Variants in CUX1 observed in about 807,000 individuals in gnomAD.
CUX1 encodes protein CASP.
Under a neutral mutation model 158.8 loss-of-function variants are expected in CUX1, and 31 were observed. The ratio of observed to expected loss-of-function variants is 0.20; its 90% CI spans 0.15 to 0.26. The LOEUF (loss-of-function observed/expected upper bound fraction) is 0.26, where lower values mean the gene tolerates loss of function less well. Among genes scored for constraint, CUX1 ranks in the 10% least tolerant of loss-of-function variants. The probability of loss-of-function intolerance (pLI) is 1.00; values close to 1 mark genes in which losing one functional copy is unlikely to be tolerated. For missense variants in CUX1, 1,589 were observed against 2,014.6 expected, an observed-to-expected ratio of 0.79 and a Z score of 4.04; for synonymous variants, 879 against 862.1, an observed-to-expected ratio of 1.02 and a Z score of -0.34.
chr7:101,920,069 A>T (rs915071120), intron 2 of CUX1, among the ~76,000 whole-genome samples: 2 of 152,026 alleles, frequency 1.3e-5, no homozygotes, highest in African/African-American at 2.4e-5. Context: ...CTGGGATTAC[A>T]GGAACGTGGC....
In CUX1 at chr7:101,999,881, C is replaced by CGTGCGTGTGTGT. The variant is rs1008497343; in HGVS notation, c.142-28200_142-28189dup. On this transcript the variant is annotated intron_variant, in intron 2 of 23. Coordinates refer to ENST00000292535, the MANE Select transcript of CUX1 (RefSeq NM_181552.4). ...AGGGCCTGGTTTTATCAGTGGCATG[C>CGTGCGTGTGTGT]GTGCGTGTGTGTGTGCGTGTGTGTG... Among the ~76,000 whole-genome samples the CGTGCGTGTGTGT allele has an allele frequency of 6.6e-5, 10 of 151,974 alleles. No individual in the cohort carries two copies. The South Asian group carries it at 1.2e-3, about 19-fold the overall frequency.
chr7:102,160,346 G>T (rs1299378622), intron 9 of CUX1, among the ~76,000 whole-genome samples: 2 of 152,128 alleles, frequency 1.3e-5, no homozygotes, highest in East Asian at 3.9e-4. Context: ...GGAGAGCCTG[G>T]TTTGTTAAAC....
chr7:101,894,509 G>T (rs564034522), intron 1 of CUX1, among the ~76,000 whole-genome samples: 45 of 152,034 alleles, frequency 3.0e-4, no homozygotes, highest in African/African-American at 1.1e-3. Context: ...ATGGGATTTC[G>T]CCGTGTTGGC....
intron 1 of CUX1, among the ~76,000 whole-genome samples, chr7:101,834,165 CTTTTTTTTTT>C (rs575992276): frequency 7.0e-5 from 5 of 71,092 alleles, no homozygotes; most frequent in African/African-American, 2.3e-4. Flanking sequence ...CTGATTGTTT[CTTTTTTTTTT>C]TTTTTTTTTT....
intron 1 of CUX1, among the ~76,000 whole-genome samples, chr7:101,860,763 T>TCCTC (rs1476440311): frequency 1.4e-5 from 2 of 142,854 alleles, no homozygotes; most frequent in East Asian, 4.1e-4. Flanking sequence ...CTTCCTTCCT[T>TCCTC]CCTTCCTTCC....
At chr7:102,161,717 TCTC>T (rs1252224337) in intron 9 of CUX1, among the ~76,000 whole-genome samples, 13 of 152,148 alleles carry the variant, frequency 8.5e-5, no homozygotes, top group Admixed American at 1.3e-4. Context: ...TTCAGGCAAT[TCTC>T]CTGCCTCAGC....
intron 2 of CUX1, among the ~76,000 whole-genome samples, chr7:101,983,081 G>T (rs1813683095): frequency 1.3e-5 from 2 of 152,014 alleles, no homozygotes; most frequent in African/African-American, 4.8e-5. Flanking sequence ...CAACAGGAAG[G>T]AATATTATAC....
In CUX1 at chr7:101,869,776, C is replaced by G. The variant is rs993506246; in HGVS notation, c.31-46339C>G. Among the ~76,000 whole-genome samples the G allele has an allele frequency of 6.6e-6, 1 of 152,004 alleles. No individual in the cohort carries two copies. The highest frequency in any genetic ancestry group is 6.5e-5 in the Admixed American group (1 of 15,282). On this transcript the variant is annotated intron_variant, in intron 1 of 23. Coordinates refer to ENST00000292535, the MANE Select transcript of CUX1 (RefSeq NM_181552.4). This position sits in a 1 kb window ranked among gnomAD's most constrained non-coding sequence, Gnocchi z 4.5. ...CAGGGGAGGCGCAGGGGAGGCCAGG[C>G]TCTGGCATTTCCCAGGAATGTAAAC...
chr7:102,045,608 G>A (rs1305215661), intron 3 of CUX1, among the ~76,000 whole-genome samples: 1 of 152,296 alleles, frequency 6.6e-6, no homozygotes, highest in Admixed American at 6.5e-5. Context: ...ATTACAAATT[G>A]CTCCATGTTG....
chr7:101,958,844 CTTTTTTTT>C (rs10667965), intron 2 of CUX1, among the ~76,000 whole-genome samples: 2 of 65,816 alleles, frequency 3.0e-5, no homozygotes, highest in African/African-American at 6.0e-5. Flanking sequence ...AGATGATGCC[CTTTTTTTT>C]TTTTTTTTTT....
At chr7:101,861,895 C>A (rs1440471677) in intron 1 of CUX1, among the ~76,000 whole-genome samples, 1 of 152,016 alleles carries the variant, frequency 6.6e-6, no homozygotes, top group Non-Finnish European at 1.5e-5. Flanking sequence ...AGTGCAGTGG[C>A]ACAATCTCGG....
chr7:102,259,206 C>G (rs1339177090), downstream of CUX1, among the ~76,000 whole-genome samples: 3 of 152,220 alleles, frequency 2.0e-5, no homozygotes, highest in African/African-American at 7.2e-5. Context: ...CTCGGCAGCC[C>G]CGTGTCTGAT....
intron 4 of CUX1, among the ~76,000 whole-genome samples, chr7:102,092,417 C>T (rs1475213220): frequency 5.3e-5 from 8 of 152,198 alleles, no homozygotes; most frequent in African/African-American, 1.9e-4. Context: ...CTTCAGAGGC[C>T]TTCCCTGTCC....
intron 1 of CUX1, among the ~76,000 whole-genome samples, chr7:101,833,097 G>T (rs752307604): frequency 1.3e-5 from 2 of 152,026 alleles, no homozygotes; most frequent in Non-Finnish European, 1.5e-5. Flanking sequence ...AACGTGAAGC[G>T]TTCAAGGATC....
downstream of CUX1, among the ~76,000 whole-genome samples, chr7:102,261,876 G>T (rs782759233): frequency 1.3e-5 from 2 of 152,194 alleles, no homozygotes; most frequent in Admixed American, 6.5e-5. Context: ...CAAGGCTTTG[G>T]GAAGCCAAGG....
intron 14 of CUX1, among the ~76,000 whole-genome samples, chr7:102,272,646 C>T (rs910494330): frequency 3.3e-5 from 5 of 152,244 alleles, no homozygotes; most frequent in Admixed American, 2.0e-4. Context: ...CCTGGCAATG[C>T]GTGCTTGGGT....
chr7:102,193,580 G>A (rs1669889593), intron 12 of CUX1, among the ~76,000 whole-genome samples: 1 of 152,134 alleles, frequency 6.6e-6, no homozygotes, highest in Admixed American at 6.5e-5. Context: ...TGAGGCGGGT[G>A]GATCACTTGA....
chr7:101,864,633 C>G (rs958216986), intron 1 of CUX1, among the ~76,000 whole-genome samples: 1 of 152,102 alleles, frequency 6.6e-6, no homozygotes. Flanking sequence ...TCACTGCAAC[C>G]TCTGCCTCCT....
intron 23 of CUX1, among the ~76,000 whole-genome samples, chr7:102,243,039 C>T (rs1363655159): frequency 6.6e-6 from 1 of 152,096 alleles, no homozygotes; most frequent in Non-Finnish European, 1.5e-5. Context: ...TTTGGGAGGC[C>T]AAGGCGGGTG....
Sources: allele counts gnomAD v4.1 joint callset (sites outside exome capture counted in the v4.1 genomes callset), GRCh38; gene constraint gnomAD v4.1.1; non-coding constraint Gnocchi (gnomAD v3.1); transcripts MANE v1.5; gene names NCBI Gene and HGNC (gene_info 2026-07-23, HGNC 2026-07-21).